The following PDSS1 variants were observed in gnomAD, a reference collection of about 807,000 sequenced individuals.
PDSS1 encodes decaprenyl diphosphate synthase subunit 1, also known as all trans-polyprenyl-diphosphate synthase PDSS1.
In PDSS1, 43 loss-of-function variants were observed where a neutral mutation model predicts 57.5. The observed-to-expected ratio is 0.75, with a 90% CI of 0.59 to 0.96. PDSS1 has a LOEUF of 0.96. PDSS1 is among the 50% of genes least tolerant of loss of function. The pLI, the probability that PDSS1 is intolerant of heterozygous loss-of-function variation, is 0.00. For missense variants in PDSS1, 438 were observed against 527.8 expected (o/e 0.83, Z 1.67); for synonymous variants, 175 against 191.3 (o/e 0.91, Z 0.70).
At chr10:26,735,201 CT>C (rs778924698) in intron 8 of PDSS1, 38 bp from the exon 9 acceptor site, 2 of 1,464,742 alleles carry the variant, frequency 1.4e-6, no homozygotes, top group African/African-American at 2.8e-5. Flanking sequence ...TTGTTGCTGC[CT>C]GGAAGCAGCT....
At chr10:26,732,235 T>C (rs773063397) in intron 8 of PDSS1, among the ~76,000 whole-genome samples, 4 of 152,244 alleles carry the variant, frequency 2.6e-5, no homozygotes, top group Non-Finnish European at 4.4e-5. Context: ...AGTTGTTTTC[T>C]GTTTTCCTGC....
At chr10:26,744,662 C>T (rs1836751362) in intron 11 of PDSS1, among the ~76,000 whole-genome samples, 1 of 151,998 alleles carries the variant, frequency 6.6e-6, no homozygotes, top group Admixed American at 6.6e-5. Context: ...GCTGGGAATA[C>T]AGGCGTGAGC....
chr10:26,734,738 G>C, intron 8 of PDSS1: 1 of 456,260 alleles, frequency 2.2e-6, no homozygotes, highest in Non-Finnish European at 4.4e-6. Flanking sequence ...AATTCCCAAC[G>C]ATGATGAAAA....
intron 6 of PDSS1, among the ~76,000 whole-genome samples, chr10:26,721,757 G>A (rs1835794473): frequency 6.6e-6 from 1 of 152,184 alleles, no homozygotes; most frequent in South Asian, 2.1e-4. Flanking sequence ...AGGATCAAGA[G>A]AACAAATGAT....
At chr10:26,745,776 G>A (rs1411180487) in intron 11 of PDSS1, among the ~76,000 whole-genome samples, 1 of 152,018 alleles carries the variant, frequency 6.6e-6, no homozygotes, top group Non-Finnish European at 1.5e-5. Flanking sequence ...GAGCCCGGGA[G>A]GTGAAGGTTG....
At chr10:26,717,644 G>A (rs977680048) in intron 5 of PDSS1, 5 of 152,176 alleles carry the variant, frequency 3.3e-5, no homozygotes, top group African/African-American at 9.7e-5. Flanking sequence ...ATCTTGGTGA[G>A]TGCTGCCAAT....
intron 1 of PDSS1, among the ~76,000 whole-genome samples, chr10:26,699,090 C>G (rs1244884390): frequency 6.6e-6 from 1 of 152,102 alleles, no homozygotes; most frequent in Non-Finnish European, 1.5e-5. Flanking sequence ...TGTGATAGTG[C>G]CAGTGCACTC....
At chr10:26,734,340 C>T (rs1233559752) in intron 8 of PDSS1, among the ~76,000 whole-genome samples, 10 of 152,238 alleles carry the variant, frequency 6.6e-5, no homozygotes, top group Non-Finnish European at 1.5e-4. Flanking sequence ...CTGGCTTTCT[C>T]ATGGAGAGTC....
intron 5 of PDSS1, among the ~76,000 whole-genome samples, chr10:26,716,824 A>G (rs938948796): frequency 1.3e-5 from 2 of 152,190 alleles, no homozygotes; most frequent in African/African-American, 4.8e-5. Context: ...CAAGGGCTTC[A>G]TTTTCCATGC....
chr10:26,719,949 G>T (rs1309786057), intron 5 of PDSS1, among the ~76,000 whole-genome samples: 1 of 152,184 alleles, frequency 6.6e-6, no homozygotes, highest in African/African-American at 2.4e-5. Context: ...AATAAGATCA[G>T]CCAGACTTCT....
At chr10:26,734,168 G>A (rs1441953932) in intron 8 of PDSS1, among the ~76,000 whole-genome samples, 1 of 152,212 alleles carries the variant, frequency 6.6e-6, no homozygotes, top group Non-Finnish European at 1.5e-5. Flanking sequence ...CACAAATGCA[G>A]CCCCACAGTC....
At chr10:26,702,930 C>T (rs1835093321) in intron 2 of PDSS1, among the ~76,000 whole-genome samples, 1 of 152,106 alleles carries the variant, frequency 6.6e-6, no homozygotes. Context: ...GACTGTTGCC[C>T]CTCTCTTTTC....
At chr10:26,714,322 A>G (rs562388257) in intron 5 of PDSS1, among the ~76,000 whole-genome samples, 350 of 152,190 alleles carry the variant, frequency 2.3e-3, no homozygotes, top group African/African-American at 7.9e-3. Context: ...AAAAATATAA[A>G]AATTAGCCAG....
intron 5 of PDSS1, chr10:26,718,216 T>G (rs1333649357): frequency 6.6e-6 from 1 of 152,088 alleles, no homozygotes; most frequent in Non-Finnish European, 1.5e-5. Flanking sequence ...CTAATCTTTG[T>G]ATTTTAAGTA....
chr10:26,733,954 A>G (rs1836301445), intron 8 of PDSS1, among the ~76,000 whole-genome samples: 1 of 152,216 alleles, frequency 6.6e-6, no homozygotes, highest in Non-Finnish European at 1.5e-5. Context: ...AGCCTGGGCA[A>G]CAGAGTGAGA....
chr10:26,707,739 G>A (rs1274984363), intron 4 of PDSS1, among the ~76,000 whole-genome samples: 1 of 152,174 alleles, frequency 6.6e-6, no homozygotes, highest in Non-Finnish European at 1.5e-5. Context: ...CACTACTCCA[G>A]GTTGAATCAC....
At chr10:26,721,423 TACACACACACAC>T (rs1554795596) in intron 6 of PDSS1, among the ~76,000 whole-genome samples, 2 of 149,368 alleles carry the variant, frequency 1.3e-5, no homozygotes, top group Middle Eastern at 3.5e-3. Flanking sequence ...GATATATGTA[TACACACACACAC>T]ACACACACAC....
intron 11 of PDSS1, among the ~76,000 whole-genome samples, chr10:26,742,847 G>C (rs1343402911): frequency 6.6e-6 from 1 of 152,154 alleles, no homozygotes; most frequent in Non-Finnish European, 1.5e-5. Flanking sequence ...AAGTGATTGT[G>C]GTGAACTGTT....
At chr10:26,741,507 A>G (rs1836606958) in intron 10 of PDSS1, among the ~76,000 whole-genome samples, 1 of 151,914 alleles carries the variant, frequency 6.6e-6, no homozygotes, top group Non-Finnish European at 1.5e-5. Context: ...AAAAACAACA[A>G]AAAAACAAAA....
Sources: gnomAD v4.1 joint callset for allele counts (sites outside exome capture counted in the v4.1 genomes callset) on GRCh38, gnomAD v4.1.1 for gene constraint, MANE v1.5 for transcripts, NCBI Gene and HGNC (gene_info 2026-07-23, HGNC 2026-07-21) for gene names.